CDK12: variants seen among roughly 807,000 people sequenced by gnomAD.
The protein encoded by CDK12 is cyclin dependent kinase 12.
In CDK12, 17 loss-of-function variants were observed where a neutral mutation model predicts 133.8. The ratio of observed to expected loss-of-function variants is 0.13; its 90% CI spans 0.09 to 0.19. The LOEUF (loss-of-function observed/expected upper bound fraction) is 0.19. Ranked by LOEUF, CDK12 falls within the 10% of genes least tolerant of loss-of-function variation. The pLI is 1.00. For synonymous variants in CDK12, 694 were observed against 683.6 expected, an observed-to-expected ratio of 1.02 and a Z score of -0.24; for missense variants, 1,508 against 1,818.7, an observed-to-expected ratio of 0.83 and a Z score of 3.11.
chr17:39,530,413 C>T (rs1225296814), intron 13 of CDK12, 191 bp from the exon 14 acceptor site: 2 of 693,366 alleles, frequency 2.9e-6, no homozygotes, highest in Non-Finnish European at 4.4e-6. Flanking sequence ...GCTGTTAGAT[C>T]CAGGATGCAA....
intron 2 of CDK12, among the ~76,000 whole-genome samples, chr17:39,472,889 CA>C (rs201653614): frequency 0.053 from 8,103 of 151,794 alleles, 246 homozygotes; most frequent in Non-Finnish European, 0.079. Context: ...TCCTGGCTAA[CA>C]ACGGTGAAAC....
At chr17:39,494,481 A>C in intron 4 of CDK12, 43 bp from the exon 5 acceptor site, 3 of 1,589,566 alleles carry the variant, frequency 1.9e-6, no homozygotes, top group Non-Finnish European at 2.6e-6. Context: ...AATAGTGGCC[A>C]AAAATGCTCA....
At chr17:39,473,811 G>A (rs1225361125) in intron 2 of CDK12, among the ~76,000 whole-genome samples, 1 of 152,120 alleles carries the variant, frequency 6.6e-6, no homozygotes, top group Non-Finnish European at 1.5e-5. Flanking sequence ...CTTGAACCCA[G>A]GAGGTGGAGG....
intron 2 of CDK12, among the ~76,000 whole-genome samples, chr17:39,484,839 A>G (rs1196126817): frequency 1.3e-5 from 2 of 152,124 alleles, no homozygotes; most frequent in African/African-American, 4.8e-5. Flanking sequence ...CTCATCCAGT[A>G]TAATGCAAAT....
chr17:39,493,301 C>T (rs1437680289), intron 4 of CDK12, among the ~76,000 whole-genome samples: 2 of 151,216 alleles, frequency 1.3e-5, no homozygotes, highest in Non-Finnish European at 2.9e-5. Context: ...CGGCGCCAGG[C>T]CTTTTTTTAT....
At position 39,484,694 on chromosome 17, in the gene CDK12, T is replaced by A. The variant is rs113832980; in HGVS notation, c.1932-5863T>A. ...AATATTTTAGAAGCAGTATACATTTTTCATACATGTTCAATATCCCTAATC... is the reference window on the plus strand; with the variant it reads ...AATATTTTAGAAGCAGTATACATTTATCATACATGTTCAATATCCCTAATC... On this transcript the variant is annotated intron_variant, in intron 2 of 13. Transcript: ENST00000447079. Among the ~76,000 whole-genome samples, 53 of 152,278 alleles carry A rather than the reference T, an allele frequency of 3.5e-4. 1 individual carries two copies. Among genetic ancestry groups the A allele is most frequent in the Middle Eastern group, 3.4e-3 (1 of 294 alleles).
chr17:39,529,010 A>T (rs1200381632), intron 13 of CDK12, among the ~76,000 whole-genome samples: 1 of 152,120 alleles, frequency 6.6e-6, no homozygotes, highest in Non-Finnish European at 1.5e-5. Context: ...AAAATTTTCC[A>T]TGGCTAATTT....
intron 3 of CDK12, among the ~76,000 whole-genome samples, chr17:39,559,630 C>G (rs2056293451): frequency 6.6e-6 from 1 of 152,084 alleles, no homozygotes. Context: ...TGCTCTGTCA[C>G]CCAGAATGGA....
At chr17:39,554,433 C>T (rs1237425970) in intron 2 of CDK12, among the ~76,000 whole-genome samples, 2 of 152,066 alleles carry the variant, frequency 1.3e-5, no homozygotes, top group Non-Finnish European at 2.9e-5. Context: ...GCCAGGTGGG[C>T]AGTATGCATC....
intron 2 of CDK12, 145 bp from the exon 3 acceptor site, chr17:39,490,411 AT>A (rs919669634): frequency 6.9e-4 from 367 of 530,302 alleles, no homozygotes; most frequent in South Asian, 1.1e-3. Flanking sequence ...GTGATTAATT[AT>A]TTTTTTTTAT....
intron 13 of CDK12, chr17:39,530,001 A>G (rs2054728641): frequency 6.6e-6 from 1 of 152,244 alleles, no homozygotes; most frequent in African/African-American, 2.4e-5. Flanking sequence ...TCAGACTATG[A>G]TTTTGGGGAG....
intron 6 of CDK12, among the ~76,000 whole-genome samples, chr17:39,502,523 A>T (rs1017927457): frequency 6.6e-6 from 1 of 152,178 alleles, no homozygotes; most frequent in African/African-American, 2.4e-5. Context: ...TCCCCTCTTT[A>T]TGGTGTAGAA....
intron 11 of CDK12, among the ~76,000 whole-genome samples, chr17:39,521,956 C>T (rs1406847422): frequency 6.6e-6 from 1 of 152,018 alleles, no homozygotes; most frequent in East Asian, 1.9e-4. Flanking sequence ...CCGCCTCAGC[C>T]TTCCAAAGTC....
rs1055721209 is a variant in CDK12 at position 39,462,349 on chromosome 17, G to C, written c.278G>C (p.Arg93Pro). ...GATGACATGGCCTTCAAACTAGACC[G>C]AAGGGAGAACGACGAACGTCGTGGA... ...FSDDMAFKLD[R>P]RENDERRGSD... Residue 93 changes from arginine (R) to proline (P), a missense_variant, in exon 1 of 14, where the codon CGA becomes CCA. Arg to Pro is a moderately radical substitution (Grantham distance 103, BLOSUM62 -2). Around this residue, in one of 9 missense-constraint regions of CDK12, gnomAD observed 460 missense variants for 490.8 expected, o/e 0.94. Transcript: ENST00000447079. 3 of 1,614,192 alleles carry C rather than the reference G, an allele frequency of 1.9e-6. No individual in the cohort carries two copies. The highest frequency in any genetic ancestry group is 2.5e-6 in the Non-Finnish European group (3 of 1,180,048).
At chr17:39,481,633 GCT>G (rs58047556) in intron 2 of CDK12, among the ~76,000 whole-genome samples, 13 of 17,622 alleles carry the variant, frequency 7.4e-4, no homozygotes, top group Non-Finnish European at 1.8e-3. Context: ...TCGCTCGCGC[GCT>G]CTCTCTCTCT....
rs1423075897 is a variant in CDK12 at position 39,471,685 on chromosome 17, C to A, written c.1853C>A (p.Ala618Asp). 1 of 1,613,966 alleles carries A rather than the reference C, an allele frequency of 6.2e-7. No individual in the cohort carries two copies. The highest frequency in any genetic ancestry group is 1.3e-5 in the African/African-American group (1 of 74,926). ...SVKTQVSVTA[A>D]IPHLKTSTLP... ...AAGACTCAAGTATCTGTAACAGCTGCTATTCCACACCTGAAAACTTCAACG... is the reference window on the plus strand; with the variant it reads ...AAGACTCAAGTATCTGTAACAGCTGATATTCCACACCTGAAAACTTCAACG... The change falls in exon 2 of 14, where the codon GCT (alanine) becomes GAT (aspartate). Residue 618 changes from alanine to aspartate, a missense_variant. Physicochemically the swap from Ala to Asp is moderately radical, Grantham distance 126. This residue lies in a region of CDK12 where 347 missense variants were observed against 330.8 expected (regional missense o/e 1.05). Coordinates refer to ENST00000447079, the MANE Select transcript of CDK12 (RefSeq NM_016507.4).
At chr17:39,548,313 A>G (rs867053873), upstream of CDK12, among the ~76,000 whole-genome samples, 21 of 152,082 alleles carry the variant, frequency 1.4e-4, no homozygotes, top group African/African-American at 3.4e-4. Context: ...TGACATCTCA[A>G]TGTGCTTCCA....
chr17:39,499,650 T>C (rs902185486), intron 5 of CDK12, among the ~76,000 whole-genome samples: 18 of 151,816 alleles, frequency 1.2e-4, no homozygotes, highest in African/African-American at 3.6e-4. Context: ...GCTGGAATTA[T>C]AGGCGCCTGC....
Position 39,532,102 on chromosome 17 carries a change from TTC to T in CDK12, c.*826_*827del, listed in dbSNP as rs71843922. 10,567 of 217,378 alleles carry T rather than the reference TTC, an allele frequency of 0.049. 269 individuals carry two copies. Among genetic ancestry groups the T allele is most frequent in the African/African-American group, 0.093 (3,567 of 38,440 alleles). The allele number at this position is 217,378 out of a possible 1,614,324, so 13.5% of individuals were successfully genotyped here. On this transcript the variant is annotated 3_prime_UTR_variant, in exon 14 of 14. Transcript: ENST00000447079. Reference sequence around the variant, plus strand: ...GCTGATGTGTGCTCTCTCTCTCTCTTTCTCTCTCTCTCTCTCTCTCTCTCTCT... The same window carrying T: ...GCTGATGTGTGCTCTCTCTCTCTCTTTCTCTCTCTCTCTCTCTCTCTCTCT...
Sources: gnomAD v4.1 joint callset for allele counts (sites outside exome capture counted in the v4.1 genomes callset) on GRCh38, gnomAD v4.1.1 for gene constraint, gnomAD v4.1.1 regional missense constraint, MANE v1.5 for transcripts, NCBI Gene and HGNC (gene_info 2026-07-23, HGNC 2026-07-21) for gene names.